Variants in CDC23 observed in about 807,000 individuals in gnomAD.
CDC23 encodes the protein cell division cycle 23, also known as cell division cycle protein 23 homolog.
In CDC23, 26 loss-of-function variants were observed where a neutral mutation model predicts 81.7. That is an observed-to-expected ratio of 0.32 (90% CI 0.23 to 0.44). The LOEUF is 0.44. Ranked by LOEUF, CDC23 falls within the 20% of genes least tolerant of loss-of-function variation. The probability of loss-of-function intolerance (pLI) is 1.00; values close to 1 mark genes in which losing one functional copy is unlikely to be tolerated. For missense variants in CDC23, 519 were observed against 728.0 expected (o/e 0.71, Z 3.30); for synonymous variants, 267 against 270.8 (o/e 0.99, Z 0.14).
At chr5:138,194,062 G>A (rs1380241625) in intron 9 of CDC23, among the ~76,000 whole-genome samples, 1 of 152,092 alleles carries the variant, frequency 6.6e-6, no homozygotes, top group East Asian at 1.9e-4. Flanking sequence ...GATTTCAGCT[G>A]AAGAAAGTAT....
At chr5:138,198,345 G>T in intron 8 of CDC23, 65 bp from the exon 9 acceptor site, 2 of 1,576,280 alleles carry the variant, frequency 1.3e-6, no homozygotes, top group Non-Finnish European at 1.7e-6. Context: ...TTTTCCTGTA[G>T]CTAATACAAG....
chr5:138,196,221 G>C (rs1014414616), intron 9 of CDC23, among the ~76,000 whole-genome samples: 6 of 151,746 alleles, frequency 4.0e-5, no homozygotes, highest in Non-Finnish European at 5.9e-5. Context: ...AATTCATTAA[G>C]GAGTTCACCT....
Position 138,187,667 on chromosome 5 carries a change from T to C in CDC23, c.*1311A>G, listed in dbSNP as rs1166981555. ...TAAAGATATTATTGTTCACATTTTTTATTGAATTCCAAATGTAGCAAAATC... is the reference window on the plus strand; with the variant it reads ...TAAAGATATTATTGTTCACATTTTTCATTGAATTCCAAATGTAGCAAAATC... On this transcript the variant is annotated 3_prime_UTR_variant, in exon 16 of 16. Transcript: ENST00000394886. The C allele has an allele frequency of 6.2e-6, 2 of 324,934 alleles. No homozygotes were observed. The highest frequency in any genetic ancestry group is 1.1e-5 in the Non-Finnish European group (2 of 175,870). 20.1% of individuals were successfully genotyped at this position (324,934 alleles called of 1,614,324 possible).
chr5:138,201,299 A>C (rs771125334), intron 5 of CDC23, 44 bp downstream of exon 5: 1 of 1,613,178 alleles, frequency 6.2e-7, no homozygotes, highest in Non-Finnish European at 8.5e-7. Flanking sequence ...CTTTCTACTC[A>C]GGAGAATATG....
intron 9 of CDC23, among the ~76,000 whole-genome samples, chr5:138,194,898 T>G (rs189554257): frequency 6.6e-6 from 1 of 151,838 alleles, no homozygotes; most frequent in East Asian, 1.9e-4. Flanking sequence ...ATTTTCATAT[T>G]TTTAGTAGTG....
chr5:138,204,629 C>CT (rs71585106), intron 3 of CDC23, among the ~76,000 whole-genome samples: 1 of 148,348 alleles, frequency 6.7e-6, no homozygotes, highest in Non-Finnish European at 1.5e-5. Flanking sequence ...TCTCTTTTTT[C>CT]TTTTTTTGGA....
In CDC23 at chr5:138,195,425, C is replaced by G. The variant is rs959079851; in HGVS notation, c.1013-2768G>C. On this transcript the variant is annotated intron_variant, in intron 9 of 15. Coordinates refer to ENST00000394886, the MANE Select transcript of CDC23 (RefSeq NM_004661.4). ...TTACACAGCTAGTTAGTATCTAAAC[C>G]AGAATTTAAAATTGGGCAATCTGGC... 6.8e-5 allele frequency among the ~76,000 whole-genome samples: 10 copies of G among 146,384 alleles called. No homozygotes were observed. The South Asian group carries it at 1.1e-3, about 15-fold the overall frequency.
intron 3 of CDC23, 49 bp downstream of exon 3, chr5:138,206,498 A>G: frequency 6.2e-7 from 1 of 1,604,468 alleles, no homozygotes; most frequent in Non-Finnish European, 8.5e-7. Context: ...TTGGTTCTAA[A>G]TATGGATGTT....
chr5:138,202,271 T>C lies in CDC23; in HGVS notation c.373-116A>G. On this transcript the variant is annotated intron_variant, in intron 3 of 15. Transcript: ENST00000394886. The stretch of plus-strand genomic sequence containing the variant: ...GTTCAACCAAAATGGCATCGACTTT[T>C]GGTCATTATTTATTTATTTATTTAT... The C allele has an allele frequency of 4.4e-6, 3 of 678,046 alleles. No individual in the cohort carries two copies. In the South Asian group the frequency reaches 5.7e-5, roughly 13 times the overall value. The allele number at this position is 678,046 out of a possible 1,614,324, so 42.0% of individuals were successfully genotyped here.
chr5:138,192,483 T>G, intron 10 of CDC23, 21 bp downstream of exon 10: 1 of 1,613,462 alleles, frequency 6.2e-7, no homozygotes, highest in Non-Finnish European at 8.5e-7. Context: ...CTGCTCTACC[T>G]CACCACCTAT....
In CDC23 at chr5:138,203,633, C is replaced by T. The variant is rs113377624; in HGVS notation, c.373-1478G>A. On this transcript the variant is annotated intron_variant, in intron 3 of 15. Coordinates refer to ENST00000394886, the MANE Select transcript of CDC23 (RefSeq NM_004661.4). ...TCAATTGACAAGATTGGAATTCGGCCGGGTGCAGTGGCTCACACCTGTAAT... is the reference window on the plus strand; with the variant it reads ...TCAATTGACAAGATTGGAATTCGGCTGGGTGCAGTGGCTCACACCTGTAAT... Among the ~76,000 whole-genome samples, 127 of 152,100 alleles carry T rather than the reference C, an allele frequency of 8.3e-4. 2 individuals carry two copies. Among genetic ancestry groups the T allele is most frequent in the African/African-American group, 2.6e-3 (108 of 41,498 alleles).
chr5:138,200,445 A>G lies in CDC23; in HGVS notation c.654+662T>C, dbSNP rs115194991. 5.2e-3 allele frequency among the ~76,000 whole-genome samples: 788 copies of G among 152,180 alleles called. 7 individuals carry two copies. Among genetic ancestry groups the G allele is most frequent in the African/African-American group, 0.017 (707 of 41,520 alleles). Reference sequence around the variant, plus strand: ...CCGTGCCTGGCCATAATGTTTTAATACAATTCTTGACAGCAGAGAAACCTT... The same window carrying G: ...CCGTGCCTGGCCATAATGTTTTAATGCAATTCTTGACAGCAGAGAAACCTT... On this transcript the variant is annotated intron_variant, in intron 6 of 15. Coordinates refer to ENST00000394886, the MANE Select transcript of CDC23 (RefSeq NM_004661.4).
rs200431226 is a variant in CDC23 at position 138,201,245 on chromosome 5, A to G, written c.522-6T>C. 3.2e-5 allele frequency: 51 copies of G among 1,612,724 alleles called. No individual in the cohort carries two copies. The East Asian group carries it at 4.0e-4, about 13-fold the overall frequency. Reference sequence around the variant, plus strand: ...TTCGAAGCACCACACCATACCTGGGAAAAAAAAGAAACAATCACAGAAGTT... The same window carrying G: ...TTCGAAGCACCACACCATACCTGGGGAAAAAAAGAAACAATCACAGAAGTT... On this transcript the variant is annotated splice_region_variant and splice_polypyrimidine_tract_variant and intron_variant, in intron 5 of 15. Transcript: ENST00000394886.
At chr5:138,198,839 A>T in intron 6 of CDC23, 57 bp from the exon 7 acceptor site, 1 of 1,507,944 alleles carries the variant, frequency 6.6e-7, no homozygotes, top group Non-Finnish European at 9.0e-7. Flanking sequence ...CTCTCAAACA[A>T]ACATCCAGGA....
chr5:138,201,858 A>G (rs185226036), intron 4 of CDC23, among the ~76,000 whole-genome samples: 2 of 152,290 alleles, frequency 1.3e-5, no homozygotes, highest in East Asian at 3.9e-4. Context: ...CCTCAAATAA[A>G]ACTCTAAATT....
intron 3 of CDC23, among the ~76,000 whole-genome samples, chr5:138,205,696 G>GA (rs35284930): frequency 0.046 from 5,809 of 126,920 alleles, 127 homozygotes; most frequent in Middle Eastern, 0.073. Flanking sequence ...TGGTAAATTG[G>GA]AAAAAAAAAA....
rs1754807329 is a variant in CDC23, at chr5:138,189,925, T to G, written c.1425-19A>C. The G allele has an allele frequency of 6.2e-7, 1 of 1,609,726 alleles. No individual in the cohort carries two copies. The highest frequency in any genetic ancestry group is 1.3e-5 in the African/African-American group (1 of 74,824). On this transcript the variant is annotated intron_variant, in intron 13 of 15. Coordinates refer to ENST00000394886, the MANE Select transcript of CDC23 (RefSeq NM_004661.4). Reference sequence around the variant, plus strand: ...ATGAAGCCTACAAAAGAAACTGATCTTTAAATACCAATGATATCCCAAAGC... The same window carrying G: ...ATGAAGCCTACAAAAGAAACTGATCGTTAAATACCAATGATATCCCAAAGC...
intron 11 of CDC23, 109 bp downstream of exon 11, chr5:138,192,160 C>T: frequency 7.2e-7 from 1 of 1,390,576 alleles, no homozygotes; most frequent in Non-Finnish European, 9.9e-7. Context: ...AACCTCAGAT[C>T]CCCAAGAGCC....
intron 9 of CDC23, among the ~76,000 whole-genome samples, chr5:138,195,748 TATATATATAC>T (rs1754893373): frequency 8.8e-6 from 1 of 113,162 alleles, no homozygotes; most frequent in Non-Finnish European, 1.7e-5. Flanking sequence ...AATATATATG[TATATATATAC>T]ATATATTATA....
Sources: gnomAD v4.1 joint callset for allele counts (sites outside exome capture counted in the v4.1 genomes callset) on GRCh38, gnomAD v4.1.1 for gene constraint, MANE v1.5 for transcripts, NCBI Gene and HGNC (gene_info 2026-07-23, HGNC 2026-07-21) for gene names.